The following CNTNAP5 variants were observed in gnomAD, a reference collection of about 807,000 sequenced individuals.
CNTNAP5 encodes the protein contactin associated protein family member 5.
A neutral mutation model predicts 150.2 loss-of-function variants in CNTNAP5; 72 were observed. The observed-to-expected ratio is 0.48, with a 90% CI of 0.40 to 0.58. The LOEUF (loss-of-function observed/expected upper bound fraction) is 0.58. Among genes scored for constraint, CNTNAP5 ranks in the 20% least tolerant of loss-of-function variants. The probability of loss-of-function intolerance (pLI) is 0.00; values close to 1 mark genes in which losing one functional copy is unlikely to be tolerated. For missense variants in CNTNAP5, 1,636 were observed against 1,626.2 expected, an observed-to-expected ratio of 1.01 and a Z score of -0.10; for synonymous variants, 672 against 619.8, an observed-to-expected ratio of 1.08 and a Z score of -1.25.
At chr2:124,504,603 G>A (rs1370953132) in intron 8 of CNTNAP5, 47 bp downstream of exon 8, 9 of 1,585,206 alleles carry the variant, frequency 5.7e-6, no homozygotes, top group South Asian at 5.7e-5. Context: ...TATCCAAGTC[G>A]ACAAAGGTTG....
At chr2:124,039,470 T>A (rs1295097012) in intron 1 of CNTNAP5, among the ~76,000 whole-genome samples, 1 of 152,142 alleles carries the variant, frequency 6.6e-6, no homozygotes, top group Non-Finnish European at 1.5e-5. Context: ...CAAGCCTCTG[T>A]CTCCCAACAT....
At chr2:124,096,309 A>T (rs1423338442) in intron 1 of CNTNAP5, among the ~76,000 whole-genome samples, 1 of 152,204 alleles carries the variant, frequency 6.6e-6, no homozygotes, top group Admixed American at 6.5e-5. Flanking sequence ...TTATAGAAAC[A>T]TATGGGAGCC....
intron 19 of CNTNAP5, among the ~76,000 whole-genome samples, chr2:124,828,055 T>G (rs558346869): frequency 6.6e-6 from 1 of 152,302 alleles, no homozygotes; most frequent in East Asian, 1.9e-4. Flanking sequence ...ATGTCAGCCT[T>G]GAGTGACAGG....
intron 19 of CNTNAP5, among the ~76,000 whole-genome samples, chr2:124,861,681 G>C (rs1677527103): frequency 6.6e-6 from 1 of 152,150 alleles, no homozygotes; most frequent in Non-Finnish European, 1.5e-5. Context: ...GATTTAACTT[G>C]AGTGCTCCAA....
chr2:124,346,960 G>A (rs1293755434), intron 3 of CNTNAP5, among the ~76,000 whole-genome samples: 3 of 150,506 alleles, frequency 2.0e-5, no homozygotes, highest in Non-Finnish European at 3.0e-5. Context: ...ATGGTGGTGC[G>A]TGCCTGTAGT....
intron 11 of CNTNAP5, among the ~76,000 whole-genome samples, chr2:124,594,401 C>T (rs1032904186): frequency 6.6e-6 from 1 of 152,058 alleles, no homozygotes; most frequent in Non-Finnish European, 1.5e-5. Flanking sequence ...GGAATCCTTT[C>T]CCCATTGCTT....
intron 13 of CNTNAP5, among the ~76,000 whole-genome samples, chr2:124,718,472 A>C (rs1679988121): frequency 1.3e-5 from 2 of 152,152 alleles, no homozygotes; most frequent in African/African-American, 4.8e-5. Context: ...GTGTTGTGTC[A>C]GGTTATAAAC....
intron 11 of CNTNAP5, among the ~76,000 whole-genome samples, chr2:124,575,066 A>AT (rs35566341): frequency 0.026 from 3,942 of 152,064 alleles, 88 homozygotes; most frequent in East Asian, 0.091. Context: ...TATTTACATC[A>AT]TTTTTTTCCC....
intron 19 of CNTNAP5, among the ~76,000 whole-genome samples, chr2:124,833,482 A>G (rs1682762676): frequency 1.3e-5 from 2 of 152,156 alleles, no homozygotes; most frequent in South Asian, 2.1e-4. Context: ...ATTGTTGACT[A>G]AAGAAAATAG....
intron 3 of CNTNAP5, among the ~76,000 whole-genome samples, chr2:124,286,270 C>A (rs1345651279): frequency 6.6e-6 from 1 of 152,200 alleles, no homozygotes; most frequent in Non-Finnish European, 1.5e-5. Flanking sequence ...CTCTCATTCC[C>A]TGCTGACTCA....
intron 3 of CNTNAP5, among the ~76,000 whole-genome samples, chr2:124,345,981 C>T (rs924234085): frequency 4.6e-5 from 7 of 152,140 alleles, no homozygotes; most frequent in Non-Finnish European, 1.0e-4. Context: ...GAATCTAATG[C>T]TGTTTTTTAA....
chr2:124,626,986 A>G (rs997614216), intron 12 of CNTNAP5, among the ~76,000 whole-genome samples: 2 of 152,190 alleles, frequency 1.3e-5, no homozygotes, highest in African/African-American at 4.8e-5. Flanking sequence ...GTGGCAGATC[A>G]TGGCTAGATG....
rs186364180 is a variant in CNTNAP5 at position 124,025,363 on chromosome 2, G to C, written c.-288G>C. 2.8e-5 allele frequency: 12 copies of C among 429,382 alleles called. No individual in the cohort carries two copies. The East Asian group carries it at 5.1e-4, about 18-fold the overall frequency. 26.6% of individuals were successfully genotyped at this position (429,382 alleles called of 1,614,324 possible). A position where few individuals can be genotyped will look rare whatever the true frequency, so the allele number is the denominator to read the frequency against. ...GGCGCCTGTCGTTCTAATTGGGTTT[G>C]GATTTGCACCGTTAAGGAGGGGGGA... On this transcript the variant is annotated 5_prime_UTR_variant, in exon 1 of 24. Coordinates refer to ENST00000682447, the MANE Select transcript of CNTNAP5 (RefSeq NM_001367498.1).
In CNTNAP5 at chr2:124,883,145, T is replaced by C. The variant is rs79837153; in HGVS notation, c.3436+13383T>C. On this transcript the variant is annotated intron_variant, in intron 21 of 23. Transcript: ENST00000682447. ...GTGCAGTGGCATGATTTTAGTAACCTGTGCCTCCCAGGCTTAAGCAGTCCT... is the reference window on the plus strand; with the variant it reads ...GTGCAGTGGCATGATTTTAGTAACCCGTGCCTCCCAGGCTTAAGCAGTCCT... Among the ~76,000 whole-genome samples, 107 of 151,452 alleles carry C rather than the reference T, an allele frequency of 7.1e-4. 1 individual carries two copies. Among genetic ancestry groups the C allele is most frequent in the African/African-American group, 2.5e-3 (103 of 41,244 alleles).
At chr2:124,614,766 G>T (rs1677458768) in intron 12 of CNTNAP5, among the ~76,000 whole-genome samples, 1 of 152,096 alleles carries the variant, frequency 6.6e-6, no homozygotes, top group African/African-American at 2.4e-5. Flanking sequence ...TATCAGCAAG[G>T]TCTTTGTGAC....
At chr2:124,529,223 T>G (rs1261811423) in intron 10 of CNTNAP5, among the ~76,000 whole-genome samples, 1 of 152,188 alleles carries the variant, frequency 6.6e-6, no homozygotes, top group Non-Finnish European at 1.5e-5. Context: ...AGAAGCATCC[T>G]ACTTCATCAG....
chr2:124,287,256 G>A (rs983017275), intron 3 of CNTNAP5, among the ~76,000 whole-genome samples: 2 of 152,156 alleles, frequency 1.3e-5, no homozygotes, highest in African/African-American at 4.8e-5. Flanking sequence ...ATGAGGAAAT[G>A]GGGTTCATGG....
rs372182163 is a variant in CNTNAP5 at position 124,902,918 on chromosome 2, A to C, written c.3473A>C (p.Asn1158Thr). 29 of 1,611,682 alleles carry C rather than the reference A, an allele frequency of 1.8e-5. No homozygotes were observed. Among genetic ancestry groups the C allele is most frequent in the Non-Finnish European group, 2.5e-5 (29 of 1,178,274 alleles). ...LGLDSEVAKA[N>T]AMGFAGCMSS... Reference sequence around the variant, plus strand: ...TTGGATTCTGAAGTTGCTAAAGCAAATGCCATGGGTTTTGCTGGATGCATG... The same window carrying C: ...TTGGATTCTGAAGTTGCTAAAGCAACTGCCATGGGTTTTGCTGGATGCATG... Residue 1158 changes from asparagine (N) to threonine (T), a missense_variant, in exon 22 of 24, where the codon AAT becomes ACT. By Grantham distance (65) the Asn-to-Thr change is moderately conservative. Transcript: ENST00000682447.
intron 3 of CNTNAP5, among the ~76,000 whole-genome samples, chr2:124,395,055 G>A (rs1167229622): frequency 1.3e-5 from 2 of 152,082 alleles, no homozygotes; most frequent in African/African-American, 4.8e-5. Flanking sequence ...TCTTATAGAG[G>A]AAGCAAACAT....
Sources: allele counts gnomAD v4.1 joint callset (sites outside exome capture counted in the v4.1 genomes callset), GRCh38; gene constraint gnomAD v4.1.1; transcripts MANE v1.5; gene names NCBI Gene and HGNC (gene_info 2026-07-23, HGNC 2026-07-21).